Variants in TECRL observed in about 807,000 individuals in gnomAD.
TECRL encodes trans-2,3-enoyl-CoA reductase like.
TECRL carries 63 observed loss-of-function variants against 52.8 expected under a neutral mutation model. The observed-to-expected ratio is 1.19, with a 90% CI of 0.97 to 1.47. The LOEUF is 1.47. Among genes scored for constraint, TECRL ranks in the 40% most tolerant of loss-of-function variants. The probability of loss-of-function intolerance (pLI) is 0.00; values close to 1 mark genes in which losing one functional copy is unlikely to be tolerated. For missense variants in TECRL, 482 were observed against 429.6 expected, an observed-to-expected ratio of 1.12 and a Z score of -1.08; for synonymous variants, 164 against 141.9, an observed-to-expected ratio of 1.16 and a Z score of -1.10.
intron 2 of TECRL, among the ~76,000 whole-genome samples, chr4:64,349,382 C>T (rs1009915781): frequency 9.2e-5 from 14 of 152,142 alleles, no homozygotes; most frequent in South Asian, 2.1e-4. Flanking sequence ...CTACCCACCG[C>T]GGCCTCCCAA....
chr4:64,384,448 G>T (rs1166063760), intron 1 of TECRL, among the ~76,000 whole-genome samples: 1 of 152,080 alleles, frequency 6.6e-6, no homozygotes, highest in African/African-American at 2.4e-5. Context: ...GCTGGGAGGG[G>T]CCATCCTCAG....
chr4:64,403,475 G>GCGCGCA lies in TECRL; in HGVS notation c.234+5642_234+5643insTGCGCG, dbSNP rs59253067. 5.8e-4 allele frequency among the ~76,000 whole-genome samples: 86 copies of GCGCGCA among 148,344 alleles called. 1 individual carries two copies. Among genetic ancestry groups the GCGCGCA allele is most frequent in the Admixed American group, 1.5e-3 (22 of 14,770 alleles). On this transcript the variant is annotated intron_variant, in intron 1 of 11. Transcript: ENST00000381210. ...AAACAATATTCTTCCCTCCCTGAGC[G>GCGCGCA]CACACACACACACACACACACACAC...
At chr4:64,346,310 C>T (rs1404426539) in intron 2 of TECRL, among the ~76,000 whole-genome samples, 1 of 152,228 alleles carries the variant, frequency 6.6e-6, no homozygotes, top group Admixed American at 6.5e-5. Flanking sequence ...GGCAGTGCCC[C>T]AGTGAGTACT....
At chr4:64,382,336 T>C (rs1046415522) in intron 1 of TECRL, among the ~76,000 whole-genome samples, 10 of 145,046 alleles carry the variant, frequency 6.9e-5, no homozygotes, top group South Asian at 4.2e-4. Flanking sequence ...TATATATATA[T>C]ACACACACAT....
intron 1 of TECRL, among the ~76,000 whole-genome samples, chr4:64,400,752 T>C (rs965747415): frequency 6.6e-6 from 1 of 152,076 alleles, no homozygotes; most frequent in Non-Finnish European, 1.5e-5. Context: ...GCTTTGGTCA[T>C]GGGAAGTGCC....
chr4:64,362,092 A>G (rs1281366730), intron 2 of TECRL, among the ~76,000 whole-genome samples: 2 of 152,200 alleles, frequency 1.3e-5, no homozygotes, highest in African/African-American at 4.8e-5. Flanking sequence ...GACCAAGCTG[A>G]GAAAAGAATC....
chr4:64,408,044 C>T (rs952954132), intron 1 of TECRL, among the ~76,000 whole-genome samples: 3 of 151,606 alleles, frequency 2.0e-5, no homozygotes, highest in Non-Finnish European at 4.4e-5. Context: ...AATTCATGAC[C>T]TGTGTGCACT....
At chr4:64,385,834 G>A (rs1723143999) in intron 1 of TECRL, among the ~76,000 whole-genome samples, 1 of 152,146 alleles carries the variant, frequency 6.6e-6, no homozygotes, top group South Asian at 2.1e-4. Flanking sequence ...CTATCCCAGG[G>A]CTAGGATTAG....
intron 9 of TECRL, among the ~76,000 whole-genome samples, chr4:64,282,804 T>C (rs1035615952): frequency 1.1e-4 from 17 of 152,074 alleles, no homozygotes; most frequent in Non-Finnish European, 1.2e-4. Context: ...GTTTCAAGTA[T>C]ACACAGTTGC....
At chr4:64,374,924 TAA>T (rs1320066497) in intron 2 of TECRL, among the ~76,000 whole-genome samples, 1 of 152,100 alleles carries the variant, frequency 6.6e-6, no homozygotes, top group Non-Finnish European at 1.5e-5. Flanking sequence ...ATAATAAAAT[TAA>T]GTTTAAATAT....
chr4:64,355,897 G>T (rs1190259093), intron 2 of TECRL, among the ~76,000 whole-genome samples: 1 of 151,906 alleles, frequency 6.6e-6, no homozygotes. Flanking sequence ...AAGAAAGAGA[G>T]ATCAGGCTGT....
intron 1 of TECRL, among the ~76,000 whole-genome samples, chr4:64,405,334 A>T (rs2109793007): frequency 6.6e-6 from 1 of 152,238 alleles, no homozygotes; most frequent in South Asian, 2.1e-4. Context: ...TAGGAGGAAG[A>T]TTCAGGAGTG....
chr4:64,366,392 C>T (rs1426409201), intron 2 of TECRL, among the ~76,000 whole-genome samples: 1 of 152,108 alleles, frequency 6.6e-6, no homozygotes, highest in South Asian at 2.1e-4. Flanking sequence ...GCAATTGCAA[C>T]AAAAGCAATG....
chr4:64,345,717 T>C (rs1231693644), intron 2 of TECRL, among the ~76,000 whole-genome samples: 1 of 151,146 alleles, frequency 6.6e-6, no homozygotes, highest in South Asian at 2.1e-4. Flanking sequence ...AAAAAAGAAG[T>C]TAAAGGTTTT....
intron 3 of TECRL, 23 bp from the exon 4 acceptor site, chr4:64,322,815 A>G (rs1560498870): frequency 6.5e-7 from 1 of 1,527,864 alleles, no homozygotes; most frequent in Admixed American, 1.9e-5. Flanking sequence ...TAACAAGAAA[A>G]TTTTATTTTA....
chr4:64,408,087 T>C (rs1016133525), intron 1 of TECRL, among the ~76,000 whole-genome samples: 1 of 151,748 alleles, frequency 6.6e-6, no homozygotes, highest in Non-Finnish European at 1.5e-5. Flanking sequence ...TTTCCATCTA[T>C]GAATTAAAGT....
intron 2 of TECRL, among the ~76,000 whole-genome samples, chr4:64,354,681 T>G (rs2109586795): frequency 6.6e-6 from 1 of 152,300 alleles, no homozygotes; most frequent in South Asian, 2.1e-4. Context: ...GTTTGCACGG[T>G]AAACCCAAGC....
intron 8 of TECRL, among the ~76,000 whole-genome samples, chr4:64,298,160 T>A (rs1299369072): frequency 6.6e-6 from 1 of 151,162 alleles, no homozygotes; most frequent in Admixed American, 6.6e-5. Flanking sequence ...AAATTTAAAG[T>A]TTATCAAATT....
intron 1 of TECRL, among the ~76,000 whole-genome samples, chr4:64,381,477 A>C: frequency 6.6e-6 from 1 of 151,964 alleles, no homozygotes; most frequent in Non-Finnish European, 1.5e-5. Context: ...CTTAGATAAA[A>C]GGCTGTCGTT....
Sources: gnomAD v4.1 joint callset for allele counts (sites outside exome capture counted in the v4.1 genomes callset) on GRCh38, gnomAD v4.1.1 for gene constraint, MANE v1.5 for transcripts, NCBI Gene and HGNC (gene_info 2026-07-23, HGNC 2026-07-21) for gene names.